Variants in RNF213 observed in about 807,000 individuals in gnomAD.
The protein encoded by RNF213 is E3 ubiquitin-protein ligase RNF213.
In RNF213, 341 loss-of-function variants were observed where a neutral mutation model predicts 514.4. The ratio of observed to expected loss-of-function variants is 0.66; its 90% CI spans 0.61 to 0.73. The LOEUF is 0.73. RNF213 is among the 30% of genes least tolerant of loss of function. The pLI, the probability that RNF213 is intolerant of heterozygous loss-of-function variation, is 0.00. For synonymous variants in RNF213, 2,655 were observed against 2,658.2 expected (o/e 1.00, Z 0.04); for missense variants, 5,767 against 6,615.6 (o/e 0.87, Z 4.45).
intron 2 of RNF213, among the ~76,000 whole-genome samples, chr17:80,267,050 C>G (rs2043631907): frequency 6.6e-6 from 1 of 151,984 alleles, no homozygotes; most frequent in Admixed American, 6.6e-5. Flanking sequence ...AACCCCGTCT[C>G]TACTAAAAAT....
At chr17:80,366,208 GC>G (rs2079265563) in intron 42 of RNF213, among the ~76,000 whole-genome samples, 1 of 152,176 alleles carries the variant, frequency 6.6e-6, no homozygotes, top group East Asian at 1.9e-4. Context: ...CTGCAGGATG[GC>G]ACGGGTGGGA....
intron 13 of RNF213, among the ~76,000 whole-genome samples, chr17:80,307,836 C>T (rs1409861661): frequency 1.3e-5 from 2 of 150,094 alleles, no homozygotes; most frequent in East Asian, 3.9e-4. Flanking sequence ...AGGCGTGAGC[C>T]ACCATGCCTG....
chr17:80,268,692 T>C (rs1390638153), intron 2 of RNF213, among the ~76,000 whole-genome samples: 1 of 152,116 alleles, frequency 6.6e-6, no homozygotes, highest in Non-Finnish European at 1.5e-5. Flanking sequence ...ATCCATCCAT[T>C]CATCCATGTA....
At chr17:80,358,242 C>T (rs1448272265) in intron 36 of RNF213, 46 bp from the exon 37 acceptor site, 5 of 1,575,414 alleles carry the variant, frequency 3.2e-6, no homozygotes, top group Admixed American at 1.7e-5. Flanking sequence ...GACCGCCACT[C>T]TGGTTCCTCT....
chr17:80,377,932 C>T lies in RNF213; in HGVS notation c.13545+136C>T. 4.9e-6 allele frequency: 5 copies of T among 1,017,364 alleles called. No homozygotes were observed. Among genetic ancestry groups the T allele is most frequent in the Non-Finnish European group, 7.8e-6 (5 of 641,458 alleles). 63.0% of individuals were successfully genotyped at this position (1,017,364 alleles called of 1,614,324 possible). A position where few individuals can be genotyped will look rare whatever the true frequency, so the allele number is the denominator to read the frequency against. On this transcript the variant is annotated intron_variant, in intron 54 of 67. Coordinates refer to ENST00000582970, the MANE Select transcript of RNF213 (RefSeq NM_001256071.3). This position sits in a 1 kb window ranked among gnomAD's most constrained non-coding sequence, Gnocchi z 4.1. ...GGCTCACCGAGGACTGCCCAGGGTG[C>T]TCTGAGCAGGGCAATGCCAATGGCG...
chr17:80,352,716 T>C, intron 32 of RNF213: 1 of 681,668 alleles, frequency 1.5e-6, no homozygotes, highest in Non-Finnish European at 2.7e-6. Context: ...GTCTTACCGT[T>C]GCTGCTTATG....
At chr17:80,389,103 T>G (rs1199693733) in intron 64 of RNF213, 70 bp from the exon 65 acceptor site, 1 of 1,459,546 alleles carries the variant, frequency 6.9e-7, no homozygotes, top group South Asian at 1.1e-5. Context: ...GGGGCTCGGC[T>G]CTCTTACCAG....
chr17:80,392,095 T>A (rs72851497), intron 67 of RNF213, among the ~76,000 whole-genome samples: 32,064 of 152,026 alleles, frequency 0.21, 3,981 homozygotes, highest in East Asian at 0.29. Context: ...TGCTTTCACA[T>A]ACTTGTTTTA....
intron 67 of RNF213, among the ~76,000 whole-genome samples, chr17:80,392,611 T>C (rs2080520405): frequency 6.6e-6 from 1 of 152,044 alleles, no homozygotes; most frequent in Admixed American, 6.5e-5. Context: ...CTGGGTTTTT[T>C]TTTTTTCTCG....
chr17:80,308,068 T>C (rs2045434323), intron 13 of RNF213, among the ~76,000 whole-genome samples: 1 of 152,090 alleles, frequency 6.6e-6, no homozygotes, highest in Non-Finnish European at 1.5e-5. Flanking sequence ...TCCAAAATCA[T>C]TTGCTCCTGC....
intron 21 of RNF213, 22 bp from the exon 22 acceptor site, chr17:80,334,083 A>G (rs1260446861): frequency 6.5e-7 from 1 of 1,537,088 alleles, no homozygotes; most frequent in South Asian, 1.2e-5. Flanking sequence ...GTTCCAGTCC[A>G]CAGTAGAGCT....
rs1014369057 is a variant in RNF213, at chr17:80,263,911, GCT to G, written c.97+136_97+137del. On this transcript the variant is annotated intron_variant, in intron 2 of 67. Transcript: ENST00000582970. This position sits in a 1 kb window ranked among gnomAD's most constrained non-coding sequence, Gnocchi z 4.9. ...GCCGAGGTCCTCTGTGGCTACTGAG[GCT>G]CTGTGGCTCTGAATAGCCATCTCAA... 2 of 690,984 alleles carry G rather than the reference GCT, an allele frequency of 2.9e-6. No individual in the cohort carries two copies. The highest frequency in any genetic ancestry group is 1.8e-5 in the African/African-American group (1 of 56,026). The allele number at this position is 690,984 out of a possible 1,614,324, so 42.8% of individuals were successfully genotyped here. A position where few individuals can be genotyped will look rare whatever the true frequency, so the allele number is the denominator to read the frequency against.
At position 80,397,564 on chromosome 17, in the gene RNF213, G is replaced by A. The variant is rs1568183824; in HGVS notation, c.*4066G>A. Reference sequence around the variant, plus strand: ...CTGTTCTGTTCCGTTCTAATTACGGGTGCATGCAGCCCCCAGTCACGTACC... The same window carrying A: ...CTGTTCTGTTCCGTTCTAATTACGGATGCATGCAGCCCCCAGTCACGTACC... On this transcript the variant is annotated 3_prime_UTR_variant, in exon 68 of 68. Transcript: ENST00000582970. 6.6e-6 allele frequency: 1 copy of A among 151,908 alleles called. No individual in the cohort carries two copies. Among genetic ancestry groups the A allele is most frequent in the Non-Finnish European group, 1.5e-5 (1 of 67,996 alleles). 9.4% of individuals were successfully genotyped at this position (151,908 alleles called of 1,614,324 possible).
chr17:80,308,885 G>T, intron 13 of RNF213, 133 bp from the exon 14 acceptor site: 2 of 1,079,584 alleles, frequency 1.9e-6, no homozygotes, highest in South Asian at 2.6e-5. Context: ...TTTTCCAGAC[G>T]TTAACCTAGA....
At chr17:80,319,564 C>T (rs543184976) in intron 17 of RNF213, 155 of 1,602,078 alleles carry the variant, frequency 9.7e-5, no homozygotes, top group Non-Finnish European at 1.3e-4. Context: ...CACGGCCGTG[C>T]GCGTGTGGCA....
At chr17:80,302,770 G>T (rs2045225383) in intron 11 of RNF213, among the ~76,000 whole-genome samples, 1 of 152,158 alleles carries the variant, frequency 6.6e-6, no homozygotes, top group African/African-American at 2.4e-5. Context: ...TTACATGAGA[G>T]GATCGCTTGA....
Position 80,288,740 on chromosome 17 carries a change from C to T in RNF213, c.918C>T (p.Phe306=). ...MKQPPATTPP[F]KTHCQEAETK... Reference sequence around the variant, plus strand: ...AGCCACCAGCAACCACTCCTCCTTTCAAAACACACTGCCAGGTGCGTCTCC... The same window carrying T: ...AGCCACCAGCAACCACTCCTCCTTTTAAAACACACTGCCAGGTGCGTCTCC... Residue 306 remains phenylalanine, a synonymous_variant, in exon 5 of 68, where the codon TTC becomes TTT. Transcript: ENST00000582970. The surrounding 1 kb of genome is among the most constrained non-coding windows in gnomAD (Gnocchi z 4.9). 1 of 1,614,208 alleles carries T rather than the reference C, an allele frequency of 6.2e-7. No individual in the cohort carries two copies. The highest frequency in any genetic ancestry group is 8.5e-7 in the Non-Finnish European group (1 of 1,180,044).
In RNF213 at chr17:80,376,006, G is replaced by A. The variant is rs1320037751; in HGVS notation, c.13185+136G>A. The A allele has an allele frequency of 5.1e-6, 4 of 784,392 alleles. No homozygotes were observed. The East Asian group carries it at 7.8e-5, about 15-fold the overall frequency. The allele number at this position is 784,392 out of a possible 1,614,324, so 48.6% of individuals were successfully genotyped here. ...TAGAGGTTCTCAACCTTGTTATGTG[G>A]AGGAACACATAACCAAGCTGTTTAA... On this transcript the variant is annotated intron_variant, in intron 51 of 67. Coordinates refer to ENST00000582970, the MANE Select transcript of RNF213 (RefSeq NM_001256071.3).
At chr17:80,388,309 G>A (rs530132547) in intron 63 of RNF213, among the ~76,000 whole-genome samples, 3 of 152,228 alleles carry the variant, frequency 2.0e-5, no homozygotes, top group African/African-American at 7.2e-5. Flanking sequence ...GTGGCTGAAT[G>A]AATAAATGAA....
Sources: gnomAD v4.1 joint callset for allele counts (sites outside exome capture counted in the v4.1 genomes callset) on GRCh38, gnomAD v4.1.1 for gene constraint, Gnocchi (gnomAD v3.1) non-coding constraint, MANE v1.5 for transcripts, NCBI Gene and HGNC (gene_info 2026-07-23, HGNC 2026-07-21) for gene names.